HADH: variants seen among roughly 807,000 people sequenced by gnomAD.
HADH encodes the protein hydroxyacyl-CoA dehydrogenase, also known as hydroxyacyl-coenzyme A dehydrogenase, mitochondrial.
HADH carries 24 observed loss-of-function variants against 32.2 expected under a neutral mutation model. The ratio of observed to expected loss-of-function variants is 0.75; its 90% CI spans 0.54 to 1.05. The LOEUF is 1.05. Ranked by LOEUF, HADH falls within the 50% of genes least tolerant of loss-of-function variation. HADH has a pLI of 0.00. For missense variants in HADH, 350 were observed against 397.1 expected (o/e 0.88, Z 1.01); for synonymous variants, 139 against 152.5 (o/e 0.91, Z 0.65).
At chr4:108,000,379 C>A (rs749566502) in intron 1 of HADH, among the ~76,000 whole-genome samples, 37 of 152,216 alleles carry the variant, frequency 2.4e-4, no homozygotes, top group Non-Finnish European at 4.9e-4. Context: ...TCTTTCACAT[C>A]TGGGATTTCT....
chr4:108,034,127 C>A (rs1010549623), intron 7 of HADH, 112 bp from the exon 8 acceptor site: 10 of 806,410 alleles, frequency 1.2e-5, no homozygotes, highest in Non-Finnish European at 2.2e-5. Context: ...GGCGCCATGC[C>A]TGGGGGGCTC....
intron 1 of HADH, among the ~76,000 whole-genome samples, chr4:108,004,270 G>A (rs1001607459): frequency 1.3e-5 from 2 of 152,226 alleles, no homozygotes; most frequent in African/African-American, 4.8e-5. Context: ...GTGAAGGAAT[G>A]AATGCAGTGG....
At chr4:108,031,007 C>T (rs1351422479) in intron 6 of HADH, 2 of 152,204 alleles carry the variant, frequency 1.3e-5, no homozygotes, top group African/African-American at 2.4e-5. Context: ...AAGTGAGTCT[C>T]TGAATATGGA....
intron 1 of HADH, among the ~76,000 whole-genome samples, chr4:108,000,445 C>T (rs959746646): frequency 2.6e-5 from 4 of 152,180 alleles, no homozygotes; most frequent in Admixed American, 1.3e-4. Flanking sequence ...ATTCTTATGA[C>T]ATGAAATAGT....
chr4:108,027,789 CA>C, intron 6 of HADH, 29 bp downstream of exon 6: 1 of 1,298,576 alleles, frequency 7.7e-7, no homozygotes, highest in Non-Finnish European at 1.1e-6. Flanking sequence ...CCAGGAGCAG[CA>C]GACCTCAGCT....
chr4:108,028,692 T>C, intron 6 of HADH: 1 of 394,820 alleles, frequency 2.5e-6, no homozygotes, highest in Non-Finnish European at 4.5e-6. Context: ...ATATGCCTAA[T>C]TACACCTCAA....
At chr4:108,006,537 T>C (rs1735299509) in intron 1 of HADH, among the ~76,000 whole-genome samples, 1 of 152,232 alleles carries the variant, frequency 6.6e-6, no homozygotes, top group Non-Finnish European at 1.5e-5. Context: ...GCAGTGGTTC[T>C]GAAACCTTGG....
At chr4:107,996,247 A>G (rs1320365421) in intron 1 of HADH, among the ~76,000 whole-genome samples, 2 of 152,164 alleles carry the variant, frequency 1.3e-5, no homozygotes, top group Non-Finnish European at 2.9e-5. Flanking sequence ...CCCACTCATC[A>G]TGGCAAACAT....
chr4:108,004,255 A>C (rs1735215430), intron 1 of HADH, among the ~76,000 whole-genome samples: 2 of 152,244 alleles, frequency 1.3e-5, no homozygotes, highest in Admixed American at 1.3e-4. Context: ...AATAGGCTGC[A>C]GTCAGTGAAG....
At chr4:108,015,745 T>C (rs364841) in intron 3 of HADH, among the ~76,000 whole-genome samples, 1 of 152,180 alleles carries the variant, frequency 6.6e-6, no homozygotes, top group Admixed American at 6.5e-5. Flanking sequence ...CCTATGTTTC[T>C]TGAAGTGTGT....
chr4:108,020,687 G>C (rs1283207923), intron 4 of HADH, among the ~76,000 whole-genome samples: 1 of 151,984 alleles, frequency 6.6e-6, no homozygotes, highest in Non-Finnish European at 1.5e-5. Context: ...CTAATTACAG[G>C]GTCTGAGGAG....
Position 107,990,020 on chromosome 4 carries a change from G to A in HADH, c.88G>A (p.Val30Met). 6.2e-7 allele frequency: 1 copy of A among 1,612,174 alleles called. No homozygotes were observed. The stretch of plus-strand genomic sequence containing the variant: ...GGCCAAGAAGATAATCGTCAAGCAC[G>A]TGACGGTCATCGGCGGCGGGCTGAT... ...ASAKKIIVKH[V>M]TVIGGGLMGA... The change falls in exon 1 of 8, where the codon GTG becomes ATG. Residue 30 changes from valine (V) to methionine (M), a missense_variant. Transcript: ENST00000309522.
At chr4:107,991,769 A>G (rs751920081) in intron 1 of HADH, among the ~76,000 whole-genome samples, 7 of 152,190 alleles carry the variant, frequency 4.6e-5, no homozygotes, top group African/African-American at 7.2e-5. Flanking sequence ...TGAGAGTGAG[A>G]TTTGTTGTGA....
rs543715937 is a variant in HADH, at chr4:108,023,712, C to T, written c.636+149C>T. On this transcript the variant is annotated intron_variant, in intron 5 of 7. Coordinates refer to ENST00000309522, the MANE Select transcript of HADH (RefSeq NM_005327.7). ...CACATGCTGTAAAGAGCAATCCGTG[C>T]CTCCTGTTCTAGTTTGTAGACAGGG... The T allele has an allele frequency of 9.6e-5, 66 of 686,850 alleles. 1 individual carries two copies. Among genetic ancestry groups the T allele is most frequent in the African/African-American group, 9.4e-4 (53 of 56,654 alleles). 42.5% of individuals were successfully genotyped at this position (686,850 alleles called of 1,614,324 possible).
rs180761003 is a variant in HADH, at chr4:108,001,471, T to C, written c.133-8288T>C. ...TGAAGAGTTTCAAAAATGAAACTTT[T>C]ATTGGCAATGTACAGAGCTGTTGTA... On this transcript the variant is annotated intron_variant, in intron 1 of 7. Coordinates refer to ENST00000309522, the MANE Select transcript of HADH (RefSeq NM_005327.7). Among the ~76,000 whole-genome samples the C allele has an allele frequency of 1.3e-3, 191 of 152,346 alleles. 1 individual carries two copies. The highest frequency in any genetic ancestry group is 4.3e-3 in the African/African-American group (180 of 41,582).
At position 108,033,183 on chromosome 4, in the gene HADH, A is replaced by T. The variant is rs781024546; in HGVS notation, c.717A>T (p.Ala239=). The change falls in exon 7 of 8, where the codon GCA becomes GCT. Residue 239 remains alanine, a synonymous_variant. Coordinates refer to ENST00000309522, the MANE Select transcript of HADH (RefSeq NM_005327.7). ...CTGCCGTTTTCTCCTTAGGTGACGCATCCAAAGAAGACATTGACACTGCTA... is the reference window on the plus strand; with the variant it reads ...CTGCCGTTTTCTCCTTAGGTGACGCTTCCAAAGAAGACATTGACACTGCTA... ...EAIRLYERGD[A]SKEDIDTAMK... 1 of 1,574,604 alleles carries T rather than the reference A, an allele frequency of 6.4e-7. No individual in the cohort carries two copies. The highest frequency in any genetic ancestry group is 8.7e-7 in the Non-Finnish European group (1 of 1,144,006).
At chr4:108,030,288 C>G (rs1736217084) in intron 6 of HADH, 1 of 152,620 alleles carries the variant, frequency 6.6e-6, no homozygotes, top group African/African-American at 2.4e-5. Context: ...GACATCATCT[C>G]TGTCATCACA....
chr4:108,031,101 T>G (rs1433112957), intron 6 of HADH: 4 of 152,252 alleles, frequency 2.6e-5, no homozygotes, highest in African/African-American at 9.6e-5. Flanking sequence ...GCAACCATTA[T>G]GCTGTCAGAT....
At chr4:108,032,124 CCT>C in intron 6 of HADH, 1 of 263,020 alleles carries the variant, frequency 3.8e-6, no homozygotes, top group Non-Finnish European at 6.7e-6. Flanking sequence ...AACATTTTTC[CCT>C]CTTTTCTTTA....
Sources: gnomAD v4.1 joint callset for allele counts (sites outside exome capture counted in the v4.1 genomes callset) on GRCh38, gnomAD v4.1.1 for gene constraint, MANE v1.5 for transcripts, NCBI Gene and HGNC (gene_info 2026-07-23, HGNC 2026-07-21) for gene names.